Variants in CAMK1D observed in about 807,000 individuals in gnomAD.
CAMK1D encodes calcium/calmodulin dependent protein kinase ID, also known as calcium/calmodulin-dependent protein kinase type 1D.
A neutral mutation model predicts 47.7 loss-of-function variants in CAMK1D; 9 were observed. The ratio of observed to expected loss-of-function variants is 0.19; its 90% confidence interval spans 0.11 to 0.33. The LOEUF (loss-of-function observed/expected upper bound fraction) is 0.33, where lower values mean the gene tolerates loss of function less well. Ranked by LOEUF, CAMK1D falls within the 10% of genes least tolerant of loss-of-function variation. The pLI, the probability that CAMK1D is intolerant of heterozygous loss-of-function variation, is 1.00. For synonymous variants in CAMK1D, 184 were observed against 184.9 expected, an observed-to-expected ratio of 0.99 and a Z score of 0.04; for missense variants, 291 against 488.7, an observed-to-expected ratio of 0.60 and a Z score of 3.81.
chr10:12,371,304 C>T (rs574412367), intron 1 of CAMK1D, among the ~76,000 whole-genome samples: 25 of 152,160 alleles, frequency 1.6e-4, no homozygotes, highest in African/African-American at 5.1e-4. Flanking sequence ...AGGCCGGGCA[C>T]GGTGGCTCAC....
intron 1 of CAMK1D, among the ~76,000 whole-genome samples, chr10:12,548,591 A>G (rs887594375): frequency 7.9e-5 from 12 of 151,472 alleles, no homozygotes; most frequent in African/African-American, 2.9e-4. Flanking sequence ...TAGCCTCCCA[A>G]GTAGCTGGTA....
chr10:12,665,021 C>T (rs1465590288), intron 2 of CAMK1D, among the ~76,000 whole-genome samples: 1 of 152,138 alleles, frequency 6.6e-6, no homozygotes, highest in East Asian at 1.9e-4. Flanking sequence ...ATGATAATGC[C>T]GTGATTTGTA....
intron 10 of CAMK1D, among the ~76,000 whole-genome samples, chr10:12,827,104 C>T (rs1833238544): frequency 6.6e-6 from 1 of 152,228 alleles, no homozygotes; most frequent in African/African-American, 2.4e-5. Flanking sequence ...CATCTCTATT[C>T]TTGCTCTTTT....
chr10:12,761,985 G>C (rs1836533332), intron 4 of CAMK1D, among the ~76,000 whole-genome samples: 1 of 152,190 alleles, frequency 6.6e-6, no homozygotes, highest in Non-Finnish European at 1.5e-5. Flanking sequence ...GGCACAGAAG[G>C]ATCTGGGCCT....
rs114480419 is a variant in CAMK1D, at chr10:12,629,033, G to A, written c.225-37703G>A. On this transcript the variant is annotated intron_variant, in intron 2 of 10. Transcript: ENST00000619168. ...CCTACTGGGGGACTGTGTTGCTTCC[G>A]GGTCTGGGCAGTTGTGAATAAAGCT... 3.4e-3 allele frequency among the ~76,000 whole-genome samples: 523 copies of A among 152,304 alleles called. 3 individuals carry two copies. The highest frequency in any genetic ancestry group is 0.011 in the African/African-American group (457 of 41,576).
intron 2 of CAMK1D, among the ~76,000 whole-genome samples, chr10:12,568,835 G>A (rs573522520): frequency 2.0e-4 from 30 of 152,226 alleles, no homozygotes; most frequent in African/African-American, 6.7e-4. Flanking sequence ...GCAGATGTGC[G>A]TGCTTTGCCT....
chr10:12,814,257 A>G lies in CAMK1D; in HGVS notation c.704A>G (p.Lys235Arg), dbSNP rs1832714849. 8.1e-6 allele frequency: 13 copies of G among 1,614,016 alleles called. No individual in the cohort carries two copies. Among genetic ancestry groups the G allele is most frequent in the Non-Finnish European group, 1.1e-5 (13 of 1,179,908 alleles). ...TCCAAGCTCTTTGAGCAGATCCTCA[A>G]GGCGGAATATGAGTTTGACTCTCCC... The part of the protein sequence containing the change: ...NDSKLFEQIL[K>R]AEYEFDSPYW... Residue 235 changes from lysine to arginine, a missense_variant, in exon 7 of 11, where the codon AAG (lysine) becomes AGG (arginine). Coordinates refer to ENST00000619168, the MANE Select transcript of CAMK1D (RefSeq NM_153498.4).
intron 3 of CAMK1D, among the ~76,000 whole-genome samples, chr10:12,685,654 GAA>G (rs545787786): frequency 2.6e-3 from 391 of 152,276 alleles, no homozygotes; most frequent in Admixed American, 4.4e-3. Context: ...TTTTTATTCA[GAA>G]AAGTCACCCT....
At chr10:12,687,898 A>G (rs2130648013) in intron 3 of CAMK1D, among the ~76,000 whole-genome samples, 1 of 152,318 alleles carries the variant, frequency 6.6e-6, no homozygotes, top group South Asian at 2.1e-4. Context: ...GGTCTCAGGA[A>G]CATCTTGACT....
At chr10:12,422,664 A>C (rs1294921311) in intron 1 of CAMK1D, among the ~76,000 whole-genome samples, 3 of 151,752 alleles carry the variant, frequency 2.0e-5, no homozygotes, top group Non-Finnish European at 4.4e-5. Flanking sequence ...TATGTGGGTT[A>C]ATATAATTTT....
chr10:12,373,081 G>T (rs1444286276), intron 1 of CAMK1D, among the ~76,000 whole-genome samples: 1 of 152,166 alleles, frequency 6.6e-6, no homozygotes, highest in Non-Finnish European at 1.5e-5. Context: ...CTTAGGGCTG[G>T]TGCTGTCCCA....
chr10:12,627,617 A>G (rs1839258547), intron 2 of CAMK1D, among the ~76,000 whole-genome samples: 1 of 152,172 alleles, frequency 6.6e-6, no homozygotes, highest in South Asian at 2.1e-4. Context: ...TCTGTTCTAG[A>G]CTTCATGTAA....
At chr10:12,513,614 C>T (rs548195714) in intron 1 of CAMK1D, among the ~76,000 whole-genome samples, 152 of 152,090 alleles carry the variant, frequency 1.0e-3, no homozygotes, top group Non-Finnish European at 1.7e-3. Context: ...GGTGAAACTA[C>T]GTCTCTACAA....
At chr10:12,772,003 C>T (rs1333091705) in intron 5 of CAMK1D, among the ~76,000 whole-genome samples, 1 of 151,440 alleles carries the variant, frequency 6.6e-6, no homozygotes, top group Non-Finnish European at 1.5e-5. Flanking sequence ...CACTGCACTC[C>T]AGCCTGGGTG....
intron 3 of CAMK1D, among the ~76,000 whole-genome samples, chr10:12,753,380 C>A (rs966046212): frequency 3.9e-5 from 6 of 152,198 alleles, no homozygotes; most frequent in Non-Finnish European, 2.9e-5. Flanking sequence ...CTAGCTGGGG[C>A]TATGCCATGT....
intron 1 of CAMK1D, among the ~76,000 whole-genome samples, chr10:12,454,225 C>T (rs1351259510): frequency 1.3e-5 from 2 of 152,124 alleles, no homozygotes; most frequent in Admixed American, 6.5e-5. Context: ...TGCAGTGACG[C>T]GATTTCAGCT....
At chr10:12,689,274 G>A (rs1266968202) in intron 3 of CAMK1D, among the ~76,000 whole-genome samples, 1 of 152,186 alleles carries the variant, frequency 6.6e-6, no homozygotes, top group Non-Finnish European at 1.5e-5. Context: ...AAGCAAAGCT[G>A]AAACGATATT....
intron 3 of CAMK1D, among the ~76,000 whole-genome samples, chr10:12,695,381 C>A (rs1278042814): frequency 4.7e-4 from 71 of 152,114 alleles, no homozygotes. Context: ...GAGCCATGTC[C>A]TGCCTCCACA....
At chr10:12,615,769 TGTAA>T (rs1838778109) in intron 2 of CAMK1D, among the ~76,000 whole-genome samples, 1 of 151,096 alleles carries the variant, frequency 6.6e-6, no homozygotes, top group Non-Finnish European at 1.5e-5. Context: ...CGTAGGTGTG[TGTAA>T]GTGCATGTGT....
Sources: allele counts gnomAD v4.1 joint callset (sites outside exome capture counted in the v4.1 genomes callset), GRCh38; gene constraint gnomAD v4.1.1; transcripts MANE v1.5; gene names NCBI Gene and HGNC (gene_info 2026-07-23, HGNC 2026-07-21).